The following ADAM9 variants were observed in gnomAD, a reference collection of about 807,000 sequenced individuals.
ADAM9 encodes the protein ADAM metallopeptidase domain 9.
In ADAM9, 54 loss-of-function variants were observed where a neutral mutation model predicts 108.1. The ratio of observed to expected loss-of-function variants is 0.50; its 90% CI spans 0.40 to 0.63. The LOEUF (loss-of-function observed/expected upper bound fraction) is 0.63. ADAM9 is among the 20% of genes least tolerant of loss of function. The pLI is 0.00. For synonymous variants in ADAM9, 316 were observed against 336.0 expected, an observed-to-expected ratio of 0.94 and a Z score of 0.65; for missense variants, 830 against 997.7, an observed-to-expected ratio of 0.83 and a Z score of 2.26.
intron 11 of ADAM9, among the ~76,000 whole-genome samples, chr8:39,029,498 G>A (rs1694312359): frequency 1.3e-5 from 2 of 152,154 alleles, no homozygotes; most frequent in African/African-American, 4.8e-5. Flanking sequence ...ATTTTTCACT[G>A]TGGAGTATGA....
rs1390598733 is a variant in ADAM9 at position 39,045,344 on chromosome 8, A to ATGTG, written c.1302+3231_1302+3234dup. On this transcript the variant is annotated intron_variant, in intron 12 of 21. Transcript: ENST00000487273. ...TATACATGTGTGTGTACACCTATAC[A>ATGTG]TGTGTGTACATACATATAGGTGTGT... 1.2e-4 allele frequency among the ~76,000 whole-genome samples: 15 copies of ATGTG among 122,880 alleles called. 3 individuals carry two copies. Among genetic ancestry groups the ATGTG allele is most frequent in the African/African-American group, 3.9e-4 (12 of 30,618 alleles). 80.6% of individuals were successfully genotyped at this position (122,880 alleles called of 152,430 possible).
intron 12 of ADAM9, among the ~76,000 whole-genome samples, chr8:39,048,582 A>C (rs985968712): frequency 6.6e-6 from 1 of 152,124 alleles, no homozygotes; most frequent in African/African-American, 2.4e-5. Context: ...TATGTCTATT[A>C]GTTTGATTTG....
chr8:39,102,056 T>C, intron 21 of ADAM9, 126 bp downstream of exon 21: 1 of 834,218 alleles, frequency 1.2e-6, no homozygotes, highest in South Asian at 1.6e-5. Context: ...TACAAGAATA[T>C]GATTTGCAGA....
At chr8:39,045,258 A>ATATATGTGTATACATACATATG (rs1352702960) in intron 12 of ADAM9, among the ~76,000 whole-genome samples, 1 of 145,688 alleles carries the variant, frequency 6.9e-6, no homozygotes, top group African/African-American at 2.5e-5. Flanking sequence ...ATATATGTGT[A>ATATATGTGTATACATACATATG]TATATGTGTA....
At chr8:39,050,584 G>T (rs1381030886) in intron 12 of ADAM9, among the ~76,000 whole-genome samples, 2 of 151,748 alleles carry the variant, frequency 1.3e-5, no homozygotes, top group South Asian at 2.1e-4. Flanking sequence ...GTATTCTTCA[G>T]CCCCGAAATT....
chr8:39,037,091 C>T (rs1363730299), intron 11 of ADAM9, among the ~76,000 whole-genome samples: 1 of 102,754 alleles, frequency 9.7e-6, no homozygotes. Context: ...GAGTCTCGCT[C>T]TGTCACCCAG....
rs764116219 is a variant in ADAM9, at chr8:39,055,746, C to T, written c.1565C>T (p.Ala522Val). ...CYNGMCQYYD[A>V]QCQVIFGSKA... The stretch of plus-strand genomic sequence containing the variant: ...AACGGCATGTGCCAGTATTATGATG[C>T]TCAATGTCAAGTCATCTTTGGCTCA... Residue 522 changes from alanine to valine, a missense_variant, in exon 14 of 22, where the codon GCT becomes GTT. Physicochemically the swap from Ala to Val is moderately conservative, Grantham distance 64 (BLOSUM62 0). This residue lies in a region of ADAM9 where 381 missense variants were observed against 539.8 expected (regional missense o/e 0.71). Transcript: ENST00000487273. 5.0e-6 allele frequency: 8 copies of T among 1,613,468 alleles called. No individual in the cohort carries two copies. Among genetic ancestry groups the T allele is most frequent in the Non-Finnish European group, 6.8e-6 (8 of 1,179,644 alleles).
intron 11 of ADAM9, among the ~76,000 whole-genome samples, chr8:39,037,327 G>A (rs1416064290): frequency 1.4e-5 from 2 of 146,164 alleles, no homozygotes; most frequent in African/African-American, 5.0e-5. Flanking sequence ...GGGATTACAA[G>A]CGTAAGCCAC....
Position 39,055,722 on chromosome 8 carries a change from A to G in ADAM9, c.1541A>G (p.Asn514Ser). ...CAGAATAACAAAGCCTATTGCTACAACGGCATGTGCCAGTATTATGATGCT... is the reference window on the plus strand; with the variant it reads ...CAGAATAACAAAGCCTATTGCTACAGCGGCATGTGCCAGTATTATGATGCT... The part of the protein sequence containing the change: ...PCQNNKAYCY[N>S]GMCQYYDAQC... Residue 514 changes from asparagine to serine, a missense_variant, in exon 14 of 22, where the codon AAC becomes AGC. Coordinates refer to ENST00000487273, the MANE Select transcript of ADAM9 (RefSeq NM_003816.3). The G allele has an allele frequency of 6.2e-7, 1 of 1,613,728 alleles. No individual in the cohort carries two copies. The highest frequency in any genetic ancestry group is 8.5e-7 in the Non-Finnish European group (1 of 1,179,748).
At chr8:38,998,778 TGAAA>T (rs763542336) in intron 1 of ADAM9, among the ~76,000 whole-genome samples, 5 of 152,082 alleles carry the variant, frequency 3.3e-5, no homozygotes, top group South Asian at 2.1e-4. Flanking sequence ...GGGGGGCGTA[TGAAA>T]GAACATGACT....
intron 12 of ADAM9, among the ~76,000 whole-genome samples, chr8:39,044,827 A>C: frequency 6.6e-6 from 1 of 151,852 alleles, no homozygotes; most frequent in African/African-American, 2.4e-5. Flanking sequence ...TTTTATGGCT[A>C]CATATAGTAT....
chr8:39,002,575 CCTCCCAAATTGCTGGGACTATAGG>C (rs1418849795), intron 1 of ADAM9, among the ~76,000 whole-genome samples: 2 of 151,966 alleles, frequency 1.3e-5, no homozygotes, highest in Non-Finnish European at 2.9e-5. Flanking sequence ...CCTGCCTCGG[CCTCCCAAATTGCTGGGACTATAGG>C]CTTGAGCCAC....
intron 12 of ADAM9, among the ~76,000 whole-genome samples, chr8:39,044,509 T>A (rs915958270): frequency 6.6e-6 from 1 of 152,184 alleles, no homozygotes; most frequent in Non-Finnish European, 1.5e-5. Flanking sequence ...GGGTATATTG[T>A]ATCCTGGTGG....
At chr8:39,089,755 A>G (rs117318607) in intron 18 of ADAM9, 8,967 of 394,860 alleles carry the variant, frequency 0.023, 177 homozygotes, top group South Asian at 0.053. Context: ...TATAAATAGT[A>G]TGCTACCTTT....
intron 12 of ADAM9, among the ~76,000 whole-genome samples, chr8:39,053,790 C>T (rs1165068779): frequency 6.6e-6 from 1 of 152,014 alleles, no homozygotes; most frequent in East Asian, 1.9e-4. Flanking sequence ...AAGAGCCATC[C>T]AACAGAGAAG....
At chr8:39,004,056 A>G (rs1588319732) in intron 1 of ADAM9, among the ~76,000 whole-genome samples, 1 of 152,306 alleles carries the variant, frequency 6.6e-6, no homozygotes, top group South Asian at 2.1e-4. Flanking sequence ...AAGCTCTTTA[A>G]ATACCTGCCT....
chr8:39,074,903 CTTTTT>C (rs1178180888), intron 15 of ADAM9, among the ~76,000 whole-genome samples: 1 of 113,142 alleles, frequency 8.8e-6, no homozygotes, highest in East Asian at 2.6e-4. Context: ...AGCCCAAAAT[CTTTTT>C]TTTTTTTTTT....
rs187269145 is a variant in ADAM9, at chr8:39,007,403, C to T, written c.98-483C>T. 8.2e-4 allele frequency among the ~76,000 whole-genome samples: 125 copies of T among 152,282 alleles called. 1 individual carries two copies. The highest frequency in any genetic ancestry group is 2.9e-3 in the African/African-American group (119 of 41,566). ...GTGAGATTTGGAGAAGTCAAACATACAAACTGTAGCAGTAAGTATTTAGTA... is the reference window on the plus strand; with the variant it reads ...GTGAGATTTGGAGAAGTCAAACATATAAACTGTAGCAGTAAGTATTTAGTA... On this transcript the variant is annotated intron_variant, in intron 1 of 21. Transcript: ENST00000487273.
At chr8:39,091,456 A>C (rs1839352280) in intron 20 of ADAM9, 110 bp downstream of exon 20, 1 of 1,004,120 alleles carries the variant, frequency 1.0e-6, no homozygotes, top group Non-Finnish European at 1.5e-6. Flanking sequence ...TACCTTCTTA[A>C]GAATTCAAGA....
Sources: allele counts gnomAD v4.1 joint callset (sites outside exome capture counted in the v4.1 genomes callset), GRCh38; gene constraint gnomAD v4.1.1; regional missense constraint gnomAD v4.1.1; transcripts MANE v1.5; gene names NCBI Gene and HGNC (gene_info 2026-07-23, HGNC 2026-07-21).